The following CLPTM1L variants were observed in gnomAD, a reference collection of about 807,000 sequenced individuals.
CLPTM1L encodes the protein lipid scramblase CLPTM1L.
Under a neutral mutation model 70.9 loss-of-function variants are expected in CLPTM1L, and 38 were observed. The observed-to-expected ratio is 0.54, with a 90% CI of 0.41 to 0.70. The LOEUF (loss-of-function observed/expected upper bound fraction) is 0.70, where lower values mean the gene tolerates loss of function less well. Ranked by LOEUF, CLPTM1L falls within the 30% of genes least tolerant of loss-of-function variation. The pLI is 0.00. For synonymous variants in CLPTM1L, 339 were observed against 299.9 expected (o/e 1.13, Z -1.35); for missense variants, 652 against 705.9 (o/e 0.92, Z 0.87).
In CLPTM1L at chr5:1,345,002, C is replaced by T. The variant is rs866723582; in HGVS notation, c.-161G>A. 2.1e-5 allele frequency: 5 copies of T among 240,460 alleles called. No homozygotes were observed. Among genetic ancestry groups the T allele is most frequent in the African/African-American group, 7.0e-5 (3 of 42,716 alleles). 14.9% of individuals were successfully genotyped at this position (240,460 alleles called of 1,614,324 possible). On this transcript the variant is annotated 5_prime_UTR_variant, in exon 1 of 17. Transcript: ENST00000320895. ...AACGAATGCGCCGCGCGCCGCAGAC[C>T]GCCGGCCGCCCCGCATGCTCCGGCC... is the stretch of plus-strand genomic sequence containing the variant.
rs751176045 is a variant in CLPTM1L, at chr5:1,334,270, C to A, written c.891+19G>T. The A allele has an allele frequency of 1.2e-6, 2 of 1,603,168 alleles. No individual in the cohort carries two copies. Among genetic ancestry groups the A allele is most frequent in the Admixed American group, 3.3e-5 (2 of 59,846 alleles). Reference sequence around the variant, plus strand: ...AGCCCCCCAAGTGCCTGCGGCAAGCCCCCCGGTGGATGACTCACATGGAAC... The same window carrying A: ...AGCCCCCCAAGTGCCTGCGGCAAGCACCCCGGTGGATGACTCACATGGAAC... On this transcript the variant is annotated intron_variant, in intron 7 of 16. Coordinates refer to ENST00000320895, the MANE Select transcript of CLPTM1L (RefSeq NM_030782.5).
intron 13 of CLPTM1L, 104 bp downstream of exon 13, chr5:1,322,773 T>A (rs1232164907): frequency 1.3e-5 from 16 of 1,230,722 alleles, no homozygotes; most frequent in Middle Eastern, 1.9e-4. Flanking sequence ...GGGATTAGCC[T>A]CAAATCACAG....
Position 1,334,390 on chromosome 5 carries a change from A to G in CLPTM1L, c.797-7T>C. On this transcript the variant is annotated splice_polypyrimidine_tract_variant and splice_region_variant and intron_variant, in intron 6 of 16. Transcript: ENST00000320895. ...GCATCTTTCTCTGAAAACCCTGTCAAGGAAAAAAAAACATACAATATAAAA... is the reference window on the plus strand; with the variant it reads ...GCATCTTTCTCTGAAAACCCTGTCAGGGAAAAAAAAACATACAATATAAAA... The G allele has an allele frequency of 6.6e-7, 1 of 1,510,524 alleles. No individual in the cohort carries two copies. Among genetic ancestry groups the G allele is most frequent in the African/African-American group, 1.5e-5 (1 of 66,476 alleles). The allele number at this position is 1,510,524 out of a possible 1,614,324, so 93.6% of individuals were successfully genotyped here.
At chr5:1,322,176 T>G (rs1397609881) in intron 13 of CLPTM1L, among the ~76,000 whole-genome samples, 1 of 152,172 alleles carries the variant, frequency 6.6e-6, no homozygotes. Context: ...GTGGGACTCC[T>G]ACCAGGGAGG....
chr5:1,323,389 C>T (rs139928219), intron 12 of CLPTM1L, among the ~76,000 whole-genome samples: 20 of 126,940 alleles, frequency 1.6e-4, no homozygotes, highest in Non-Finnish European at 2.8e-4. Context: ...GCACCCCACC[C>T]GGGCAGCAGA....
chr5:1,339,584 G>A (rs1053212533), intron 3 of CLPTM1L, among the ~76,000 whole-genome samples: 1 of 120,192 alleles, frequency 8.3e-6, no homozygotes, highest in African/African-American at 3.4e-5. Flanking sequence ...AGCAGGGTCG[G>A]CACCCTAACC....
At chr5:1,330,808 T>C in intron 8 of CLPTM1L, 1 of 163,688 alleles carries the variant, frequency 6.1e-6, no homozygotes, top group Non-Finnish European at 1.3e-5. Context: ...GTCTTCCTCC[T>C]CCTGCAAGCC....
At chr5:1,324,953 C>A in intron 10 of CLPTM1L, 140 bp from the exon 11 acceptor site, 1 of 719,724 alleles carries the variant, frequency 1.4e-6, no homozygotes, top group African/African-American at 1.7e-5. Context: ...CCCTACCAGG[C>A]GAGGAGAGGA....
At chr5:1,332,509 A>G (rs983499875) in intron 7 of CLPTM1L, among the ~76,000 whole-genome samples, 1 of 151,026 alleles carries the variant, frequency 6.6e-6, no homozygotes, top group Non-Finnish European at 1.5e-5. Flanking sequence ...AGGCACTCAG[A>G]ACCAGTGCCG....
chr5:1,325,475 T>G (rs421284), intron 10 of CLPTM1L: 1 of 509,040 alleles, frequency 2.0e-6, no homozygotes, highest in Non-Finnish European at 3.5e-6. Context: ...GAAGCACACG[T>G]GCTGGCCAGC....
chr5:1,341,888 A>T (rs983582148), intron 2 of CLPTM1L, 28 bp from the exon 3 acceptor site: 1 of 1,556,494 alleles, frequency 6.4e-7, no homozygotes, highest in Non-Finnish European at 8.8e-7. Flanking sequence ...TTTCCACTAC[A>T]TACATATTAT....
rs1465444653 is a variant in CLPTM1L, at chr5:1,330,326, G to A, written c.1034C>T (p.Thr345Met). 4 of 1,612,826 alleles carry A rather than the reference G, an allele frequency of 2.5e-6. No homozygotes were observed. Among genetic ancestry groups the A allele is most frequent in the African/African-American group, 1.3e-5 (1 of 75,040 alleles). ...VIFLFLLDEQ[T>M]SLLVLVPAGV... ...CGCCGGGACCAGCACCAGCAGGCTC[G>A]TCTGCTCGTCCAGCAGGAACAGAAA... The change falls in exon 9 of 17, where the codon ACG becomes ATG. Residue 345 changes from threonine to methionine, a missense_variant. Transcript: ENST00000320895.
chr5:1,333,526 G>C (rs1753301640), intron 7 of CLPTM1L, among the ~76,000 whole-genome samples: 1 of 149,092 alleles, frequency 6.7e-6, no homozygotes, highest in Non-Finnish European at 1.5e-5. Context: ...ATACACACCA[G>C]ATGAGGATAA....
chr5:1,324,374 G>A (rs935172283), intron 11 of CLPTM1L, among the ~76,000 whole-genome samples: 5 of 152,274 alleles, frequency 3.3e-5, no homozygotes, highest in African/African-American at 1.2e-4. Flanking sequence ...GTGACGCCCT[G>A]TGCTGCTGGG....
At position 1,323,803 on chromosome 5, in the gene CLPTM1L, T is replaced by A; in HGVS notation, c.1264A>T (p.Asn422Tyr). ...GCCTCCTACCTCTTATATTTGATATTCAGGAGTGAATAGACAGCACCCCCG... is the reference window on the plus strand; with the variant it reads ...GCCTCCTACCTCTTATATTTGATATACAGGAGTGAATAGACAGCACCCCCG... ...CVGGAVYSLL[N>Y]IKYKSWYSWL... Residue 422 changes from asparagine to tyrosine, a missense_variant, in exon 12 of 17, where the codon AAT (asparagine) becomes TAT (tyrosine). Physicochemically the swap from Asn to Tyr is moderately radical, Grantham distance 143 (BLOSUM62 -2). Transcript: ENST00000320895. 6 of 1,613,236 alleles carry A rather than the reference T, an allele frequency of 3.7e-6. No individual in the cohort carries two copies. The highest frequency in any genetic ancestry group is 5.1e-6 in the Non-Finnish European group (6 of 1,179,438).
intron 9 of CLPTM1L, among the ~76,000 whole-genome samples, chr5:1,328,695 C>T (rs1011453103): frequency 5.5e-4 from 83 of 150,576 alleles, no homozygotes; most frequent in Admixed American, 1.7e-3. Flanking sequence ...TCCAGCTCCT[C>T]CTCTATAGAC....
At position 1,342,009 on chromosome 5, in the gene CLPTM1L, C is replaced by G; in HGVS notation, c.264-149G>C. The G allele has an allele frequency of 2.0e-6, 1 of 502,686 alleles. No homozygotes were observed. The highest frequency in any genetic ancestry group is 3.4e-6 in the Non-Finnish European group (1 of 291,856). The allele number at this position is 502,686 out of a possible 1,614,324, so 31.1% of individuals were successfully genotyped here. A position where few individuals can be genotyped will look rare whatever the true frequency, so the allele number is the denominator to read the frequency against. ...CCCACCTGCCCAGGGCTTTACGAGT[C>G]GTGTGTGTGTGTGTGTGTGTGTGTG... is the stretch of plus-strand genomic sequence containing the variant. On this transcript the variant is annotated intron_variant, in intron 2 of 16. Coordinates refer to ENST00000320895, the MANE Select transcript of CLPTM1L (RefSeq NM_030782.5). This position sits in a 1 kb window ranked among gnomAD's most constrained non-coding sequence, Gnocchi z 4.3.
chr5:1,331,723 G>T, intron 8 of CLPTM1L, 76 bp downstream of exon 8: 4 of 1,271,996 alleles, frequency 3.1e-6, no homozygotes, highest in Non-Finnish European at 4.6e-6. Flanking sequence ...CAGTGAGGCA[G>T]GCAGCCCTCT....
rs1335961304 is a variant in CLPTM1L at position 1,337,967 on chromosome 5, T to C, written c.615A>G (p.Lys205=). The change falls in exon 5 of 17, where the codon AAA becomes AAG. Residue 205 remains lysine, a synonymous_variant. Transcript: ENST00000320895. ...HRYMKMIQLG[K]TVHYLPILFI... is the part of the protein sequence containing the mutation. ...ACAGGATGGGCAGGTAATGCACGGT[T>C]TTCCCCAGCTGGATCCTGGGATTAA... The C allele has an allele frequency of 1.2e-6, 2 of 1,606,822 alleles. No individual in the cohort carries two copies. Among genetic ancestry groups the C allele is most frequent in the Admixed American group, 1.7e-5 (1 of 58,614 alleles).
Sources: gnomAD v4.1 joint callset for allele counts (sites outside exome capture counted in the v4.1 genomes callset) on GRCh38, gnomAD v4.1.1 for gene constraint, Gnocchi (gnomAD v3.1) non-coding constraint, MANE v1.5 for transcripts, NCBI Gene and HGNC (gene_info 2026-07-23, HGNC 2026-07-21) for gene names.